FOCAD: variants seen among roughly 807,000 people sequenced by gnomAD.
FOCAD encodes the protein KIAA1797.
A neutral mutation model predicts 225.6 loss-of-function variants in FOCAD; 198 were observed. The observed-to-expected ratio is 0.88, with a 90% CI of 0.78 to 0.99. The LOEUF (loss-of-function observed/expected upper bound fraction) is 0.99, where lower values mean the gene tolerates loss of function less well. FOCAD is among the 50% of genes least tolerant of loss of function. The pLI is 0.00. For missense variants in FOCAD, 2,713 were observed against 2,123.6 expected (o/e 1.28, Z -5.46); for synonymous variants, 897 against 755.0 (o/e 1.19, Z -3.08).
At chr9:20,758,326 A>C (rs1292114987) in intron 6 of FOCAD, 135 bp downstream of exon 6, 1 of 455,706 alleles carries the variant, frequency 2.2e-6, no homozygotes, top group Non-Finnish European at 3.8e-6. Context: ...CTGAAGAACC[A>C]TCCTAGAGCA....
intron 6 of FOCAD, among the ~76,000 whole-genome samples, chr9:20,759,976 C>T (rs992167501): frequency 1.3e-5 from 2 of 152,282 alleles, no homozygotes; most frequent in Admixed American, 1.3e-4. Flanking sequence ...TCACCAAGGC[C>T]TCCTGATGGC....
intron 35 of FOCAD, among the ~76,000 whole-genome samples, chr9:20,968,572 G>C (rs1293576878): frequency 6.6e-6 from 1 of 150,598 alleles, no homozygotes; most frequent in Non-Finnish European, 1.5e-5. Flanking sequence ...CTCCTGAGTA[G>C]CTGGGATTAC....
intron 16 of FOCAD, among the ~76,000 whole-genome samples, chr9:20,864,126 A>T (rs1380379354): frequency 6.6e-6 from 1 of 151,654 alleles, no homozygotes; most frequent in African/African-American, 2.4e-5. Flanking sequence ...GAAGGGAGAG[A>T]CCCTCCTTCC....
At chr9:20,772,791 C>A (rs189763790) in intron 8 of FOCAD, among the ~76,000 whole-genome samples, 2 of 151,916 alleles carry the variant, frequency 1.3e-5, no homozygotes, top group Non-Finnish European at 1.5e-5. Flanking sequence ...TATTACAAGT[C>A]ATTTGTCAAT....
At chr9:20,743,622 C>G (rs1483741353) in intron 5 of FOCAD, among the ~76,000 whole-genome samples, 2 of 152,158 alleles carry the variant, frequency 1.3e-5, no homozygotes, top group Admixed American at 6.5e-5. Flanking sequence ...TAGTGGTTCT[C>G]AAACTTGTCT....
chr9:20,868,697 T>C (rs1272028185), intron 18 of FOCAD, among the ~76,000 whole-genome samples: 7 of 152,112 alleles, frequency 4.6e-5, no homozygotes, highest in Non-Finnish European at 1.0e-4. Context: ...TTTGTAGCTA[T>C]GCTTTTCAGC....
intron 15 of FOCAD, among the ~76,000 whole-genome samples, chr9:20,846,298 G>A (rs1345073361): frequency 6.6e-6 from 1 of 152,054 alleles, no homozygotes; most frequent in Non-Finnish European, 1.5e-5. Context: ...CTGGAGATTA[G>A]GCTGCACAGA....
intron 27 of FOCAD, among the ~76,000 whole-genome samples, chr9:20,930,536 G>T (rs1231992118): frequency 6.6e-6 from 1 of 152,204 alleles, no homozygotes; most frequent in East Asian, 1.9e-4. Flanking sequence ...ACTGGTGTTG[G>T]TGTGGATAAA....
chr9:20,662,197 T>C (rs1256421248), intron 2 of FOCAD, among the ~76,000 whole-genome samples: 1 of 148,446 alleles, frequency 6.7e-6, no homozygotes, highest in African/African-American at 2.4e-5. Flanking sequence ...TGTGTGTGTG[T>C]GCATATATGT....
chr9:20,957,079 T>C (rs1296081246), intron 35 of FOCAD, among the ~76,000 whole-genome samples: 1 of 152,226 alleles, frequency 6.6e-6, no homozygotes, highest in East Asian at 1.9e-4. Flanking sequence ...GCTATTATTT[T>C]TGAGACAAGG....
intron 28 of FOCAD, among the ~76,000 whole-genome samples, chr9:20,941,743 T>G (rs1836676731): frequency 6.6e-6 from 1 of 152,230 alleles, no homozygotes; most frequent in African/African-American, 2.4e-5. Context: ...CAAAGTTCAG[T>G]TTCATACCCA....
chr9:20,962,654 A>C (rs890531095), intron 35 of FOCAD, among the ~76,000 whole-genome samples: 4 of 152,146 alleles, frequency 2.6e-5, no homozygotes, highest in Non-Finnish European at 5.9e-5. Flanking sequence ...GTGTAGCCAA[A>C]GTATGTGCGA....
chr9:20,847,547 C>T (rs572876057), intron 15 of FOCAD, among the ~76,000 whole-genome samples: 24 of 151,606 alleles, frequency 1.6e-4, no homozygotes, highest in Middle Eastern at 3.4e-3. Flanking sequence ...TTACCACCAG[C>T]CATATATTTA....
At chr9:20,980,198 ATGTC>A (rs1190828854) in intron 37 of FOCAD, among the ~76,000 whole-genome samples, 1 of 151,736 alleles carries the variant, frequency 6.6e-6, no homozygotes, top group African/African-American at 2.4e-5. Flanking sequence ...GAATTTTTTT[ATGTC>A]TGTCTTGTTT....
chr9:20,932,886 G>C, intron 27 of FOCAD, 128 bp from the exon 28 acceptor site: 1 of 660,876 alleles, frequency 1.5e-6, no homozygotes, highest in Non-Finnish European at 2.6e-6. Flanking sequence ...CATCAATATT[G>C]TCACTTTTTT....
chr9:20,976,684 T>C lies in FOCAD; in HGVS notation c.4261+136T>C, dbSNP rs980664131. On this transcript the variant is annotated intron_variant, in intron 36 of 43. Transcript: ENST00000338382. ...TTGAGGTTTGTCATGTTGGATGGAATGGCTGGGTTACTTTCACTCAGTCAT... is the reference window on the plus strand; with the variant it reads ...TTGAGGTTTGTCATGTTGGATGGAACGGCTGGGTTACTTTCACTCAGTCAT... 1.1e-5 allele frequency: 10 copies of C among 951,636 alleles called. No individual in the cohort carries two copies. In the African/African-American group the frequency reaches 1.3e-4, roughly 13 times the overall value. The allele number at this position is 951,636 out of a possible 1,614,324, so 58.9% of individuals were successfully genotyped here.
chr9:20,807,924 A>C (rs1822637086), intron 11 of FOCAD, among the ~76,000 whole-genome samples: 1 of 152,020 alleles, frequency 6.6e-6, no homozygotes, highest in African/African-American at 2.4e-5. Flanking sequence ...GGTGGTGCAC[A>C]CCTGTAATTC....
At chr9:20,807,568 A>G (rs1315569773) in intron 11 of FOCAD, among the ~76,000 whole-genome samples, 4 of 152,202 alleles carry the variant, frequency 2.6e-5, no homozygotes, top group African/African-American at 9.6e-5. Context: ...AGTATGTTAT[A>G]TATATGTATT....
chr9:20,728,439 T>C (rs1437807615), intron 4 of FOCAD, among the ~76,000 whole-genome samples: 2 of 152,218 alleles, frequency 1.3e-5, no homozygotes, highest in Non-Finnish European at 2.9e-5. Flanking sequence ...GTCTGTAGCC[T>C]GTCACATGGC....
Sources: allele counts gnomAD v4.1 joint callset (sites outside exome capture counted in the v4.1 genomes callset), GRCh38; gene constraint gnomAD v4.1.1; transcripts MANE v1.5; gene names NCBI Gene and HGNC (gene_info 2026-07-23, HGNC 2026-07-21).